Variants in SLCO1C1 observed in about 807,000 individuals in gnomAD.
SLCO1C1 encodes solute carrier organic anion transporter family member 1C1.
SLCO1C1 carries 70 observed loss-of-function variants against 76.4 expected under a neutral mutation model. The observed-to-expected ratio is 0.92, with a 90% confidence interval of 0.76 to 1.12. The LOEUF is 1.12. SLCO1C1 is among the 50% of genes most tolerant of loss of function. The probability of loss-of-function intolerance (pLI) is 0.00; values close to 1 mark genes in which losing one functional copy is unlikely to be tolerated. For synonymous variants in SLCO1C1, 306 were observed against 286.1 expected, an observed-to-expected ratio of 1.07 and a Z score of -0.70; for missense variants, 912 against 823.8, an observed-to-expected ratio of 1.11 and a Z score of -1.31.
At chr12:20,700,874 G>A (rs1359353166) in intron 2 of SLCO1C1, among the ~76,000 whole-genome samples, 1 of 152,012 alleles carries the variant, frequency 6.6e-6, no homozygotes, top group Non-Finnish European at 1.5e-5. Flanking sequence ...TGTACATTAT[G>A]TTCCCGGCTG....
intron 9 of SLCO1C1, among the ~76,000 whole-genome samples, chr12:20,724,837 T>C (rs1333999679): frequency 6.8e-6 from 1 of 146,208 alleles, no homozygotes; most frequent in Non-Finnish European, 1.5e-5. Flanking sequence ...TATAATACTA[T>C]AATAGATAAT....
intron 9 of SLCO1C1, among the ~76,000 whole-genome samples, chr12:20,726,269 G>A (rs1459028899): frequency 6.8e-6 from 1 of 146,664 alleles, no homozygotes; most frequent in Non-Finnish European, 1.5e-5. Flanking sequence ...TTTTTAACTT[G>A]GGCTATGGGA....
At chr12:20,747,144 G>A (rs1046112487) in intron 13 of SLCO1C1, among the ~76,000 whole-genome samples, 1 of 152,182 alleles carries the variant, frequency 6.6e-6, no homozygotes, top group African/African-American at 2.4e-5. Context: ...AAGAGTTCAG[G>A]CTGGGCACAT....
chr12:20,745,509 A>G (rs1447981971), intron 13 of SLCO1C1, among the ~76,000 whole-genome samples: 1 of 152,168 alleles, frequency 6.6e-6, no homozygotes, highest in Non-Finnish European at 1.5e-5. Context: ...GTAAAATAGA[A>G]AAGTGATACA....
At chr12:20,724,413 A>G (rs1354201331) in intron 9 of SLCO1C1, among the ~76,000 whole-genome samples, 14 of 80,512 alleles carry the variant, frequency 1.7e-4, no homozygotes, top group Non-Finnish European at 2.7e-4. Context: ...GTGTGTGTGT[A>G]TATATATATA....
At chr12:20,732,754 CTAGA>C (rs1403067903) in intron 9 of SLCO1C1, among the ~76,000 whole-genome samples, 151 bp from the exon 10 acceptor site, 1 of 152,070 alleles carries the variant, frequency 6.6e-6, no homozygotes. Context: ...AATCTATAAC[CTAGA>C]TACTCATCAT....
chr12:20,724,557 C>A (rs1947867134), intron 9 of SLCO1C1, among the ~76,000 whole-genome samples: 1 of 147,394 alleles, frequency 6.8e-6, no homozygotes, highest in Non-Finnish European at 1.5e-5. Context: ...AACTTTTCCC[C>A]AAAGCTAATA....
intron 13 of SLCO1C1, among the ~76,000 whole-genome samples, chr12:20,749,899 G>T (rs942653652): frequency 8.5e-5 from 13 of 152,216 alleles, no homozygotes; most frequent in Non-Finnish European, 1.3e-4. Flanking sequence ...AAAAGTGAGT[G>T]TGTATTAAGA....
At position 20,706,100 on chromosome 12, in the gene SLCO1C1, T is replaced by C. The variant is rs1250272380; in HGVS notation, c.404+19T>C. On this transcript the variant is annotated intron_variant, in intron 4 of 14. Transcript: ENST00000266509. ...TGGAGCAGTAAGTCTAAAGCAATCA[T>C]CTTTTCCTTGCCTTTCCAAACAACT... The C allele has an allele frequency of 1.3e-6, 2 of 1,587,688 alleles. No individual in the cohort carries two copies. The highest frequency in any genetic ancestry group is 3.5e-5 in the Admixed American group (2 of 56,418).
At chr12:20,740,483 G>T (rs958231669) in intron 12 of SLCO1C1, 115 bp downstream of exon 12, 14 of 898,876 alleles carry the variant, frequency 1.6e-5, no homozygotes, top group Middle Eastern at 3.1e-4. Context: ...CAAGAAACTT[G>T]TCCCACATCC....
chr12:20,748,133 C>T (rs1250185478), intron 13 of SLCO1C1, among the ~76,000 whole-genome samples: 2 of 152,160 alleles, frequency 1.3e-5, no homozygotes, highest in African/African-American at 2.4e-5. Context: ...TTTCCTTACA[C>T]ATGTAGGTTT....
intron 9 of SLCO1C1, among the ~76,000 whole-genome samples, chr12:20,723,814 T>C (rs1370740519): frequency 6.6e-6 from 1 of 152,124 alleles, no homozygotes; most frequent in Non-Finnish European, 1.5e-5. Context: ...AAAATCAAGA[T>C]TCGTTTCTTT....
chr12:20,714,202 T>C (rs1040312275), intron 5 of SLCO1C1, among the ~76,000 whole-genome samples: 11 of 152,326 alleles, frequency 7.2e-5, no homozygotes, highest in Admixed American at 3.3e-4. Flanking sequence ...CAAAAATTAG[T>C]TTAAGAGTTA....
chr12:20,732,569 T>C (rs1298444934), intron 9 of SLCO1C1, among the ~76,000 whole-genome samples: 2 of 152,202 alleles, frequency 1.3e-5, no homozygotes, highest in South Asian at 2.1e-4. Context: ...GTGCCTATTA[T>C]TTTTTATATA....
At chr12:20,718,120 T>C in intron 7 of SLCO1C1, among the ~76,000 whole-genome samples, 1 of 152,166 alleles carries the variant, frequency 6.6e-6, no homozygotes, top group East Asian at 1.9e-4. Context: ...ATCAGTTGAG[T>C]TCCTTGACTT....
chr12:20,711,531 TGACTA>T lies in SLCO1C1; in HGVS notation c.529+22_529+26del, dbSNP rs765788469. The T allele has an allele frequency of 5.0e-6, 8 of 1,609,716 alleles. No individual in the cohort carries two copies. In the African/African-American group the frequency reaches 6.7e-5, roughly 13 times the overall value. ...TAACGGTAAGATCATTTTTTTGACT[TGACTA>T]AACAAGCTTTTAAAAAAAAGACTTT... On this transcript the variant is annotated intron_variant, in intron 5 of 14. Transcript: ENST00000266509.
At chr12:20,747,422 CTG>C (rs1248316383) in intron 13 of SLCO1C1, among the ~76,000 whole-genome samples, 2 of 119,712 alleles carry the variant, frequency 1.7e-5, no homozygotes, top group African/African-American at 5.0e-5. Context: ...GAGGGAGACT[CTG>C]TCTCAAAAAA....
intron 13 of SLCO1C1, among the ~76,000 whole-genome samples, chr12:20,746,361 A>AT (rs1949042846): frequency 6.6e-6 from 1 of 151,966 alleles, no homozygotes; most frequent in East Asian, 1.9e-4. Flanking sequence ...AAGGAGAAAA[A>AT]AATCATTTAT....
At chr12:20,739,215 T>C (rs536963925) in intron 11 of SLCO1C1, among the ~76,000 whole-genome samples, 8 of 152,306 alleles carry the variant, frequency 5.3e-5, no homozygotes, top group African/African-American at 1.9e-4. Context: ...GAGAGTCTAT[T>C]CCATTCCCCA....
Sources: allele counts gnomAD v4.1 joint callset (sites outside exome capture counted in the v4.1 genomes callset), GRCh38; gene constraint gnomAD v4.1.1; transcripts MANE v1.5; gene names NCBI Gene and HGNC (gene_info 2026-07-23, HGNC 2026-07-21).